Variants in APBB2 observed in about 807,000 individuals in gnomAD.
APBB2 encodes amyloid beta precursor protein binding family B member 2.
APBB2 carries 38 observed loss-of-function variants against 82.5 expected under a neutral mutation model. That is an observed-to-expected ratio of 0.46 (90% confidence interval 0.36 to 0.60). APBB2 has a LOEUF of 0.60. APBB2 is among the 20% of genes least tolerant of loss of function. The pLI, the probability that APBB2 is intolerant of heterozygous loss-of-function variation, is 0.00. For synonymous variants in APBB2, 341 were observed against 368.2 expected, an observed-to-expected ratio of 0.93 and a Z score of 0.85; for missense variants, 772 against 972.3, an observed-to-expected ratio of 0.79 and a Z score of 2.74.
At chr4:40,837,151 C>G (rs930629995) in intron 12 of APBB2, among the ~76,000 whole-genome samples, 1 of 152,202 alleles carries the variant, frequency 6.6e-6, no homozygotes, top group African/African-American at 2.4e-5. Context: ...TAAACTGGTG[C>G]GATCAGCTCA....
intron 10 of APBB2, among the ~76,000 whole-genome samples, chr4:40,901,909 A>ATGTGTG (rs35766512): frequency 2.5e-3 from 365 of 145,538 alleles, no homozygotes; most frequent in Middle Eastern, 7.1e-3. Context: ...ATCCAAAATT[A>ATGTGTG]TGTGTGTGTG....
chr4:41,186,249 CTA>C (rs1182262451), intron 1 of APBB2, among the ~76,000 whole-genome samples: 2 of 152,176 alleles, frequency 1.3e-5, no homozygotes, highest in East Asian at 1.9e-4. Flanking sequence ...AAGTAGTATA[CTA>C]TGTTTTTTTA....
At chr4:41,046,083 A>G (rs929058628) in intron 4 of APBB2, among the ~76,000 whole-genome samples, 2 of 152,230 alleles carry the variant, frequency 1.3e-5, no homozygotes, top group African/African-American at 4.8e-5. Context: ...TAAAAAAACA[A>G]TAAAGAAGTG....
intron 3 of APBB2, among the ~76,000 whole-genome samples, chr4:41,076,716 T>C (rs1508068): frequency 0.22 from 32,789 of 152,010 alleles, 4,506 homozygotes; most frequent in East Asian, 0.61. Flanking sequence ...ACACCAAGCA[T>C]GTGAAATAGG....
Position 41,214,532 on chromosome 4 carries a change from C to T in APBB2, c.-544G>A, listed in dbSNP as rs11940114. On this transcript the variant is annotated 5_prime_UTR_variant, in exon 1 of 18. Transcript: ENST00000508593. ...GCTTCCTACTTGAGACCAGAACGGG[C>T]TCCGGCAACTGAGCATGCTCAGTGC... The T allele has an allele frequency of 0.15, 22,647 of 152,320 alleles. 1,897 individuals carry two copies. Among genetic ancestry groups the T allele is most frequent in the Non-Finnish European group, 0.17 (11,299 of 68,068 alleles). 9.4% of individuals were successfully genotyped at this position (152,320 alleles called of 1,614,324 possible).
chr4:41,145,266 A>C (rs73810843), intron 1 of APBB2, among the ~76,000 whole-genome samples: 26,577 of 152,100 alleles, frequency 0.17, 2,492 homozygotes, highest in African/African-American at 0.23. Flanking sequence ...GAATCTTTAC[A>C]CTGGGGCCTT....
intron 12 of APBB2, among the ~76,000 whole-genome samples, chr4:40,835,370 G>C (rs1240166030): frequency 1.3e-5 from 2 of 152,080 alleles, no homozygotes; most frequent in South Asian, 4.1e-4. Flanking sequence ...AACAGATAAG[G>C]TTCCAGCCTT....
At chr4:41,212,558 G>A (rs968346002) in intron 1 of APBB2, among the ~76,000 whole-genome samples, 2 of 152,168 alleles carry the variant, frequency 1.3e-5, no homozygotes, top group African/African-American at 2.4e-5. Context: ...TCCATTAGAA[G>A]AGGGAATAAA....
chr4:40,994,752 A>T (rs10008658), intron 6 of APBB2, among the ~76,000 whole-genome samples: 149,572 of 150,168 alleles, frequency 1, 74,489 homozygotes, highest in Middle Eastern at 1. Flanking sequence ...AGGCGGAGGT[A>T]GCAGTGAGTC....
intron 3 of APBB2, 135 bp downstream of exon 3, chr4:41,100,504 C>G (rs898013177): frequency 6.6e-6 from 1 of 151,950 alleles, no homozygotes; most frequent in Non-Finnish European, 1.5e-5. Context: ...AGTCTCCTTC[C>G]ATGTTACAAA....
chr4:40,989,643 C>T (rs896236615), intron 6 of APBB2, among the ~76,000 whole-genome samples: 1 of 152,028 alleles, frequency 6.6e-6, no homozygotes, highest in African/African-American at 2.4e-5. Context: ...CTCCAATAAA[C>T]AATTTATCAT....
chr4:41,103,087 A>G (rs566668990), intron 2 of APBB2, among the ~76,000 whole-genome samples: 173 of 152,334 alleles, frequency 1.1e-3, no homozygotes, highest in Non-Finnish European at 2.0e-3. Context: ...TGTGATTTTC[A>G]TATTTTGTCA....
intron 1 of APBB2, among the ~76,000 whole-genome samples, chr4:41,158,149 C>T (rs1003133494): frequency 2.6e-5 from 4 of 152,214 alleles, no homozygotes; most frequent in African/African-American, 9.6e-5. Context: ...GCTCCACACT[C>T]TCCAAGCTGT....
At chr4:40,973,852 CTT>C (rs145072355) in intron 6 of APBB2, among the ~76,000 whole-genome samples, 116 of 140,014 alleles carry the variant, frequency 8.3e-4, no homozygotes, top group Middle Eastern at 3.6e-3. Flanking sequence ...TCCAAATTTC[CTT>C]TTTTTTTTTT....
intron 5 of APBB2, among the ~76,000 whole-genome samples, chr4:41,014,711 G>C (rs1809384303): frequency 6.6e-6 from 1 of 152,090 alleles, no homozygotes; most frequent in Non-Finnish European, 1.5e-5. Flanking sequence ...CTGGTGGCTG[G>C]TCTTCATTTT....
In APBB2 at chr4:40,826,136, A is replaced by C; in HGVS notation, c.1733-166T>G. 1.6e-6 allele frequency: 1 copy of C among 613,418 alleles called. No individual in the cohort carries two copies. The allele number at this position is 613,418 out of a possible 1,614,324, so 38.0% of individuals were successfully genotyped here. ...TATTCTACAAGAGCAGCATTACTCC[A>C]GATATTGGGGCTCTGTTAAAATCCT... On this transcript the variant is annotated intron_variant, in intron 14 of 17. Transcript: ENST00000508593. This position sits in a 1 kb window ranked among gnomAD's most constrained non-coding sequence, Gnocchi z 4.5.
intron 6 of APBB2, among the ~76,000 whole-genome samples, chr4:40,964,439 A>C (rs1794086179): frequency 6.7e-6 from 1 of 150,058 alleles, no homozygotes; most frequent in Non-Finnish European, 1.5e-5. Flanking sequence ...TTCATCAATA[A>C]AAATAAGATA....
chr4:41,009,043 A>C (rs540880071), intron 6 of APBB2, among the ~76,000 whole-genome samples: 2 of 152,358 alleles, frequency 1.3e-5, no homozygotes, highest in South Asian at 4.1e-4. Context: ...ATAAAATTAC[A>C]TGTGGGTACC....
intron 7 of APBB2, among the ~76,000 whole-genome samples, chr4:40,936,989 G>A (rs995257499): frequency 6.6e-6 from 1 of 152,174 alleles, no homozygotes; most frequent in Non-Finnish European, 1.5e-5. Flanking sequence ...TTGGACCACT[G>A]TAGGGCTACT....
Sources: allele counts gnomAD v4.1 joint callset (sites outside exome capture counted in the v4.1 genomes callset), GRCh38; gene constraint gnomAD v4.1.1; non-coding constraint Gnocchi (gnomAD v3.1); transcripts MANE v1.5; gene names NCBI Gene and HGNC (gene_info 2026-07-23, HGNC 2026-07-21).